Variants in GATAD2A observed in about 807,000 individuals in gnomAD.
GATAD2A encodes GATA zinc finger domain containing 2A, also known as transcriptional repressor p66-alpha.
A neutral mutation model predicts 68.5 loss-of-function variants in GATAD2A; 12 were observed. The observed-to-expected ratio is 0.18, with a 90% confidence interval of 0.11 to 0.28. The LOEUF is 0.28. Ranked by LOEUF, GATAD2A falls within the 10% of genes least tolerant of loss-of-function variation. The pLI is 1.00. For missense variants in GATAD2A, 755 were observed against 868.5 expected, an observed-to-expected ratio of 0.87 and a Z score of 1.64; for synonymous variants, 410 against 375.3, an observed-to-expected ratio of 1.09 and a Z score of -1.07.
At chr19:19,484,690 C>T (rs1163566268) in intron 2 of GATAD2A, among the ~76,000 whole-genome samples, 3 of 151,870 alleles carry the variant, frequency 2.0e-5, no homozygotes, top group Non-Finnish European at 4.4e-5. Context: ...CCCGCCACCT[C>T]GCCTGGCTAA....
At chr19:19,404,554 C>A (rs1334925728), upstream of GATAD2A, among the ~76,000 whole-genome samples, 1 of 151,976 alleles carries the variant, frequency 6.6e-6, no homozygotes, top group South Asian at 2.1e-4. Context: ...TGATGGAACG[C>A]GCCTGTAATC....
chr19:19,439,804 C>T lies in GATAD2A; in HGVS notation c.-6-25536C>T, dbSNP rs190234660. ...CGGAGGTTGCAGTGAGCCAAGATCA[C>T]GCCACTGCACTCCAGCATGGGTGAC... is the stretch of plus-strand genomic sequence containing the variant. On this transcript the variant is annotated intron_variant, in intron 1 of 11. Coordinates refer to ENST00000683918, the MANE Select transcript of GATAD2A (RefSeq NM_001384528.1). Among the ~76,000 whole-genome samples, 17 of 152,164 alleles carry T rather than the reference C, an allele frequency of 1.1e-4. No individual in the cohort carries two copies. In the East Asian group the frequency reaches 2.1e-3, roughly 19 times the overall value.
rs200562709 is a variant in GATAD2A at position 19,501,329 on chromosome 19, G to A, written c.1416G>A (p.Glu472=). 2 of 1,612,878 alleles carry A rather than the reference G, an allele frequency of 1.2e-6. No homozygotes were observed. The highest frequency in any genetic ancestry group is 2.7e-5 in the African/African-American group (2 of 75,072). The change falls in exon 9 of 12, where the codon GAG becomes GAA. Residue 472 remains glutamate (E), a synonymous_variant. Transcript: ENST00000683918. ...TGAAGGCGCTGCAGCAGGAACAGGA[G>A]ATTGAGCAGCGGCTCCTGCAGCAGG... ...AFVKALQQEQ[E]IEQRLLQQGT... is the part of the protein sequence containing the mutation.
intron 1 of GATAD2A, among the ~76,000 whole-genome samples, chr19:19,417,515 T>G (rs2916073): frequency 0.44 from 66,062 of 151,762 alleles, 15,753 homozygotes; most frequent in African/African-American, 0.63. Context: ...GAGTGTTGGG[T>G]GCGGGGGGTG....
intron 11 of GATAD2A, among the ~76,000 whole-genome samples, chr19:19,504,526 G>A (rs1291460266): frequency 6.6e-6 from 1 of 151,910 alleles, no homozygotes; most frequent in Non-Finnish European, 1.5e-5. Flanking sequence ...AGTGGCTCGT[G>A]CCTATAATCC....
chr19:19,478,398 C>T (rs549236204), intron 2 of GATAD2A, among the ~76,000 whole-genome samples: 2 of 152,044 alleles, frequency 1.3e-5, no homozygotes, highest in Admixed American at 6.6e-5. Flanking sequence ...GCCAGGAGTT[C>T]GAGACCAGCC....
chr19:19,465,664 G>A (rs1329393247), intron 2 of GATAD2A, 50 bp downstream of exon 2: 21 of 1,545,612 alleles, frequency 1.4e-5, no homozygotes, highest in Non-Finnish European at 1.8e-5. Flanking sequence ...GACAAGCCCA[G>A]TGTGCCCAGG....
chr19:19,436,424 C>A (rs957882532), intron 1 of GATAD2A, among the ~76,000 whole-genome samples: 1 of 152,206 alleles, frequency 6.6e-6, no homozygotes, highest in African/African-American at 2.4e-5. Flanking sequence ...GAAAAAGAAA[C>A]CATTCTGATT....
intron 2 of GATAD2A, among the ~76,000 whole-genome samples, chr19:19,477,941 G>A (rs191620310): frequency 6.6e-6 from 1 of 152,294 alleles, no homozygotes; most frequent in Non-Finnish European, 1.5e-5. Context: ...CTGTGACTTA[G>A]GTAAACATAG....
intron 1 of GATAD2A, among the ~76,000 whole-genome samples, chr19:19,389,458 G>A (rs1333885604): frequency 6.6e-6 from 1 of 152,148 alleles, no homozygotes; most frequent in African/African-American, 2.4e-5. Context: ...CCTTTGTGAA[G>A]ACTCCTGCCG....
At chr19:19,460,189 G>T (rs560989468) in intron 1 of GATAD2A, among the ~76,000 whole-genome samples, 1 of 152,232 alleles carries the variant, frequency 6.6e-6, no homozygotes, top group Non-Finnish European at 1.5e-5. Flanking sequence ...GCCACTGAAG[G>T]GGGTACAGAT....
At chr19:19,478,276 T>C (rs1283646933) in intron 2 of GATAD2A, among the ~76,000 whole-genome samples, 2 of 152,170 alleles carry the variant, frequency 1.3e-5, no homozygotes, top group African/African-American at 4.8e-5. Context: ...ATTTGTGGGA[T>C]ATGTCTGTTG....
intron 9 of GATAD2A, 122 bp from the exon 10 acceptor site, chr19:19,501,847 A>T: frequency 1.4e-6 from 1 of 720,090 alleles, no homozygotes; most frequent in Non-Finnish European, 2.4e-6. Flanking sequence ...GCATTTTCTC[A>T]AGATCCCCAC....
At position 19,434,905 on chromosome 19, in the gene GATAD2A, C is replaced by T. The variant is rs138312790; in HGVS notation, c.-7+28886C>T. On this transcript the variant is annotated intron_variant, in intron 1 of 11. Transcript: ENST00000683918. ...CCCTCTCGGTCTGGAGGGTGAAGTC[C>T]GCTCATTCCCAGGCACATCATGCCC... is the stretch of plus-strand genomic sequence containing the variant. Among the ~76,000 whole-genome samples, 219 of 152,262 alleles carry T rather than the reference C, an allele frequency of 1.4e-3. 1 individual carries two copies. Among genetic ancestry groups the T allele is most frequent in the African/African-American group, 4.9e-3 (202 of 41,544 alleles).
intron 1 of GATAD2A, among the ~76,000 whole-genome samples, chr19:19,438,593 T>TGA (rs2054631358): frequency 6.6e-6 from 1 of 152,212 alleles, no homozygotes; most frequent in Non-Finnish European, 1.5e-5. Flanking sequence ...GCACATGGTC[T>TGA]GAGCAGTAGG....
At chr19:19,476,197 C>A (rs1438687141) in intron 2 of GATAD2A, among the ~76,000 whole-genome samples, 2 of 152,184 alleles carry the variant, frequency 1.3e-5, no homozygotes, top group African/African-American at 4.8e-5. Flanking sequence ...ATATGGACAT[C>A]GAGGTAATCA....
At chr19:19,461,843 C>G (rs1028497521) in intron 1 of GATAD2A, among the ~76,000 whole-genome samples, 3 of 152,204 alleles carry the variant, frequency 2.0e-5, no homozygotes, top group African/African-American at 7.2e-5. Context: ...CTCAGGCAGC[C>G]CTGGCAGCCT....
chr19:19,464,733 C>T lies in GATAD2A; in HGVS notation c.-6-607C>T, dbSNP rs1333677671. ...TGGCACGTTGATGGGCCAGGCCTCACTCTACTCAAAGTGTACCTCACTGGC... is the reference window on the plus strand; with the variant it reads ...TGGCACGTTGATGGGCCAGGCCTCATTCTACTCAAAGTGTACCTCACTGGC... On this transcript the variant is annotated intron_variant, in intron 1 of 11. Coordinates refer to ENST00000683918, the MANE Select transcript of GATAD2A (RefSeq NM_001384528.1). The T allele has an allele frequency of 2.5e-5, 4 of 156,876 alleles. No homozygotes were observed. In the South Asian group the frequency reaches 5.7e-4, roughly 22 times the overall value. The allele number at this position is 156,876 out of a possible 1,614,324, so 9.7% of individuals were successfully genotyped here.
At chr19:19,493,714 ACCCTGCCCC>A (rs915320329) in intron 4 of GATAD2A, among the ~76,000 whole-genome samples, 3 of 151,162 alleles carry the variant, frequency 2.0e-5, no homozygotes, top group East Asian at 2.0e-4. Context: ...GTTTTTTGAA[ACCCTGCCCC>A]CACTGCCCCC....
Sources: gnomAD v4.1 joint callset for allele counts (sites outside exome capture counted in the v4.1 genomes callset) on GRCh38, gnomAD v4.1.1 for gene constraint, MANE v1.5 for transcripts, NCBI Gene and HGNC (gene_info 2026-07-23, HGNC 2026-07-21) for gene names.